Variants in SSPN observed in about 807,000 individuals in gnomAD.
SSPN encodes the protein sarcospan, also known as K-ras oncogene-associated protein.
A neutral mutation model predicts 19.1 loss-of-function variants in SSPN; 15 were observed. The ratio of observed to expected loss-of-function variants is 0.78; its 90% CI spans 0.52 to 1.21. The LOEUF is 1.21. Among genes scored for constraint, SSPN ranks in the 50% most tolerant of loss-of-function variants. The pLI, the probability that SSPN is intolerant of heterozygous loss-of-function variation, is 0.00. For missense variants in SSPN, 291 were observed against 314.0 expected (o/e 0.93, Z 0.55); for synonymous variants, 147 against 140.3 (o/e 1.05, Z -0.34).
chr12:26,178,731 T>C (rs1944700253), intron 1 of SSPN, among the ~76,000 whole-genome samples: 1 of 152,156 alleles, frequency 6.6e-6, no homozygotes, highest in South Asian at 2.1e-4. Flanking sequence ...GGTCACAGCA[T>C]CTTCTAAATG....
At chr12:26,224,458 GGGGTT>G in intron 2 of SSPN, 79 bp downstream of exon 2, 1 of 1,218,236 alleles carries the variant, frequency 8.2e-7, no homozygotes, top group Admixed American at 1.7e-5. Flanking sequence ...GCCTTCTTAA[GGGGTT>G]GCATATCTGA....
chr12:26,122,215 G>A (rs1176666091), intron 1 of SSPN: 13 of 1,319,652 alleles, frequency 9.9e-6, no homozygotes, highest in Non-Finnish European at 1.2e-5. Flanking sequence ...TCGTGCGGCA[G>A]GAGGGTCGCG....
intron 1 of SSPN, among the ~76,000 whole-genome samples, chr12:26,130,692 T>G (rs1944392462): frequency 6.6e-6 from 1 of 152,170 alleles, no homozygotes; most frequent in Non-Finnish European, 1.5e-5. Context: ...GAAGTTCTTT[T>G]TTGGTCACAT....
chr12:26,146,884 T>C (rs1285844671), intron 1 of SSPN, among the ~76,000 whole-genome samples: 1 of 151,192 alleles, frequency 6.6e-6, no homozygotes. Flanking sequence ...AACTTTAAGA[T>C]TTGATTGATT....
intron 1 of SSPN, among the ~76,000 whole-genome samples, chr12:26,168,944 T>C (rs141248573): frequency 6.6e-6 from 1 of 152,132 alleles, no homozygotes; most frequent in East Asian, 1.9e-4. Flanking sequence ...GGGAGAAATG[T>C]GGTACTATTA....
chr12:26,168,431 G>C (rs1944634481), intron 1 of SSPN, among the ~76,000 whole-genome samples: 1 of 152,156 alleles, frequency 6.6e-6, no homozygotes, highest in Non-Finnish European at 1.5e-5. Context: ...ATAACCCCCG[G>C]TTGGGGATGG....
At position 26,232,867 on chromosome 12, in the gene SSPN, C is replaced by T; in HGVS notation, c.*1791C>T. ...AGTCTCTGGAGCAGAATTTATCACA[C>T]ACAAAAGTTACACCAACAGAATACC... On this transcript the variant is annotated 3_prime_UTR_variant, in exon 3 of 3. Coordinates refer to ENST00000242729, the MANE Select transcript of SSPN (RefSeq NM_005086.5). 4.1e-6 allele frequency: 1 copy of T among 243,004 alleles called. No homozygotes were observed. The highest frequency in any genetic ancestry group is 6.2e-6 in the Non-Finnish European group (1 of 160,444). The allele number at this position is 243,004 out of a possible 1,614,324, so 15.1% of individuals were successfully genotyped here. A position where few individuals can be genotyped will look rare whatever the true frequency, so the allele number is the denominator to read the frequency against.
At chr12:26,202,251 T>C (rs1306670640) in intron 1 of SSPN, among the ~76,000 whole-genome samples, 1 of 152,196 alleles carries the variant, frequency 6.6e-6, no homozygotes, top group East Asian at 1.9e-4. Context: ...ATTATATTCA[T>C]GGATATGGAA....
At chr12:26,154,913 G>C (rs1358534580) in intron 1 of SSPN, among the ~76,000 whole-genome samples, 4 of 152,202 alleles carry the variant, frequency 2.6e-5, no homozygotes, top group African/African-American at 9.6e-5. Context: ...GGATGGTGAT[G>C]GTAGTGTATG....
chr12:26,163,703 A>G (rs1253272577), intron 1 of SSPN, among the ~76,000 whole-genome samples: 2 of 152,222 alleles, frequency 1.3e-5, no homozygotes, highest in Non-Finnish European at 2.9e-5. Flanking sequence ...TCTTAATATT[A>G]TCACATTGGC....
upstream of SSPN, among the ~76,000 whole-genome samples, chr12:26,194,495 C>G (rs573935323): frequency 2.2e-4 from 33 of 152,304 alleles, no homozygotes; most frequent in Admixed American, 7.8e-4. Flanking sequence ...AAGCGATTCT[C>G]CTGCCTCAGC....
rs151076394 is a variant in SSPN at position 26,200,393 on chromosome 12, T to C, written c.279+4442T>C. Among the ~76,000 whole-genome samples, 546 of 152,326 alleles carry C rather than the reference T, an allele frequency of 3.6e-3. 2 individuals are homozygous for C. Among genetic ancestry groups the C allele is most frequent in the African/African-American group, 0.013 (520 of 41,578 alleles). On this transcript the variant is annotated intron_variant, in intron 1 of 2. Transcript: ENST00000242729. The stretch of plus-strand genomic sequence containing the variant: ...AATTCAAGTTGCAGGTTTATTCAGG[T>C]TTTAAAAACCGATTTTAAGTCTTGC...
chr12:26,163,034 T>TGTGTGTGC (rs1944599063), intron 1 of SSPN, among the ~76,000 whole-genome samples: 1 of 141,372 alleles, frequency 7.1e-6, no homozygotes, highest in Admixed American at 6.8e-5. Flanking sequence ...CTTCAAGACG[T>TGTGTGTGC]GTGTGTGTGT....
At chr12:26,226,184 G>A (rs1202854324) in intron 2 of SSPN, among the ~76,000 whole-genome samples, 1 of 152,042 alleles carries the variant, frequency 6.6e-6, no homozygotes, top group East Asian at 1.9e-4. Context: ...TTATCTTCAG[G>A]TTGAAAGTGA....
At chr12:26,218,565 A>G (rs538319497) in intron 1 of SSPN, among the ~76,000 whole-genome samples, 1 of 152,064 alleles carries the variant, frequency 6.6e-6, no homozygotes, top group South Asian at 2.1e-4. Context: ...GATAAGACCA[A>G]TATTTACCCA....
At chr12:26,124,268 C>T (rs1413155936) in intron 1 of SSPN, 1 of 663,952 alleles carries the variant, frequency 1.5e-6, no homozygotes, top group African/African-American at 1.9e-5. Context: ...CCCCGCCCCC[C>T]CACCATAAAA....
At chr12:26,218,398 T>G (rs1591890884) in intron 1 of SSPN, among the ~76,000 whole-genome samples, 2 of 91,358 alleles carry the variant, frequency 2.2e-5, no homozygotes, top group Admixed American at 1.3e-4. Context: ...AGATGACGAG[T>G]TAGTGGGTGC....
Position 26,129,054 on chromosome 12 carries a change from T to G in SSPN, c.-31+6902T>G, listed in dbSNP as rs552122198. 1.2e-3 allele frequency among the ~76,000 whole-genome samples: 176 copies of G among 152,284 alleles called. 1 individual carries two copies. The highest frequency in any genetic ancestry group is 4.0e-3 in the African/African-American group (165 of 41,548). On this transcript the variant is annotated intron_variant, in intron 1 of 2. Transcript: ENST00000538142. ...GGGGAATAGAGGTTTTCTGCCTCTTTAGGGTTCTGCAAGCCCTACTGCCCT... is the reference window on the plus strand; with the variant it reads ...GGGGAATAGAGGTTTTCTGCCTCTTGAGGGTTCTGCAAGCCCTACTGCCCT...
At chr12:26,187,431 T>C (rs947048298) in intron 1 of SSPN, among the ~76,000 whole-genome samples, 1 of 152,262 alleles carries the variant, frequency 6.6e-6, no homozygotes, top group Non-Finnish European at 1.5e-5. Context: ...TGTTAGATTA[T>C]TGAAACATTG....
Sources: allele counts gnomAD v4.1 joint callset (sites outside exome capture counted in the v4.1 genomes callset), GRCh38; gene constraint gnomAD v4.1.1; transcripts MANE v1.5; gene names NCBI Gene and HGNC (gene_info 2026-07-23, HGNC 2026-07-21).